Variants in RARB observed in about 807,000 individuals in gnomAD.
RARB encodes HBV-activated protein.
RARB carries 17 observed loss-of-function variants against 51.9 expected under a neutral mutation model. The ratio of observed to expected loss-of-function variants is 0.33; its 90% CI spans 0.22 to 0.49. RARB has a LOEUF of 0.49. Among genes scored for constraint, RARB ranks in the 20% least tolerant of loss-of-function variants. The pLI is 0.99. For missense variants in RARB, 369 were observed against 550.8 expected, an observed-to-expected ratio of 0.67 and a Z score of 3.30; for synonymous variants, 215 against 195.4, an observed-to-expected ratio of 1.10 and a Z score of -0.84.
chr3:25,452,358 G>A lies in RARB; in HGVS notation c.158-8835G>A, dbSNP rs868061812. Among the ~76,000 whole-genome samples the A allele has an allele frequency of 5.9e-5, 9 of 152,288 alleles. No homozygotes were observed. The South Asian group carries it at 1.9e-3, about 32-fold the overall frequency. ...TGAAAATATGACAGCACTTCCCGTG[G>A]TAAAAGCCAGTCCCAGGAATAACTT... On this transcript the variant is annotated intron_variant, in intron 1 of 7. Transcript: ENST00000330688.
chr3:25,063,505 C>A (rs986604132), intron 3 of RARB, among the ~76,000 whole-genome samples: 1 of 151,500 alleles, frequency 6.6e-6, no homozygotes, highest in African/African-American at 2.4e-5. Flanking sequence ...CATAATTTGT[C>A]GATTTTTAAA....
At chr3:24,893,333 GAATAA>G (rs1378603584) in intron 2 of RARB, among the ~76,000 whole-genome samples, 1 of 152,120 alleles carries the variant, frequency 6.6e-6, no homozygotes, top group African/African-American at 2.4e-5. Context: ...CAAAATTGAG[GAATAA>G]AATAAACATT....
chr3:24,946,855 A>C (rs1695786560), intron 2 of RARB, among the ~76,000 whole-genome samples: 1 of 152,198 alleles, frequency 6.6e-6, no homozygotes, highest in Non-Finnish European at 1.5e-5. Flanking sequence ...ACAGGGTGAG[A>C]CACTGTCAAT....
chr3:25,223,452 G>A (rs1701990665), intron 5 of RARB, among the ~76,000 whole-genome samples: 1 of 152,134 alleles, frequency 6.6e-6, no homozygotes, highest in Non-Finnish European at 1.5e-5. Flanking sequence ...TTGTATTCTT[G>A]CTTGAATAGA....
chr3:24,970,680 T>C (rs1696378136), intron 2 of RARB, among the ~76,000 whole-genome samples: 1 of 151,832 alleles, frequency 6.6e-6, no homozygotes. Flanking sequence ...ACCTAGAGGA[T>C]AGTCCTTTTA....
intron 5 of RARB, among the ~76,000 whole-genome samples, chr3:25,325,409 A>G (rs904079995): frequency 6.6e-6 from 1 of 151,884 alleles, no homozygotes; most frequent in Non-Finnish European, 1.5e-5. Context: ...CTGAGCTCCT[A>G]TCTCATCCTG....
chr3:25,285,313 A>C (rs975219956), intron 5 of RARB, among the ~76,000 whole-genome samples: 2 of 152,170 alleles, frequency 1.3e-5, no homozygotes, highest in Non-Finnish European at 2.9e-5. Flanking sequence ...CTTTCCAGTC[A>C]AAAGTAGTGT....
intron 2 of RARB, among the ~76,000 whole-genome samples, chr3:24,928,448 T>C (rs1448240486): frequency 6.6e-6 from 1 of 152,080 alleles, no homozygotes; most frequent in Non-Finnish European, 1.5e-5. Flanking sequence ...AAATGAACTC[T>C]ACCTCCTGAA....
intron 3 of RARB, among the ~76,000 whole-genome samples, chr3:25,076,096 A>G (rs968491092): frequency 2.0e-5 from 3 of 152,144 alleles, no homozygotes; most frequent in African/African-American, 7.2e-5. Flanking sequence ...TGTCAGTTAG[A>G]TTAAGCCCTT....
chr3:25,237,363 T>C (rs1211813979), intron 5 of RARB, among the ~76,000 whole-genome samples: 1 of 152,140 alleles, frequency 6.6e-6, no homozygotes, highest in Non-Finnish European at 1.5e-5. Flanking sequence ...TCTGCTTTTT[T>C]TCCTATCTGA....
chr3:25,114,778 C>T (rs1699658800), intron 3 of RARB, among the ~76,000 whole-genome samples: 1 of 152,210 alleles, frequency 6.6e-6, no homozygotes, highest in African/African-American at 2.4e-5. Flanking sequence ...AAAGCTCTAA[C>T]ATGCCAAATG....
chr3:25,486,445 G>A (rs1413376097), intron 2 of RARB, among the ~76,000 whole-genome samples: 1 of 152,186 alleles, frequency 6.6e-6, no homozygotes, highest in Non-Finnish European at 1.5e-5. Flanking sequence ...CCACCCTACA[G>A]CCCTGGCAGA....
intron 1 of RARB, among the ~76,000 whole-genome samples, chr3:25,452,663 GC>G (rs1709244280): frequency 1.2e-5 from 1 of 83,870 alleles, no homozygotes; most frequent in African/African-American, 8.3e-5. Flanking sequence ...AATTTAAAAA[GC>G]GGGGGGGGTT....
intron 3 of RARB, among the ~76,000 whole-genome samples, chr3:25,081,612 TA>T (rs1699001715): frequency 0.012 from 170 of 14,112 alleles, no homozygotes; most frequent in African/African-American, 0.018. Context: ...TATATATATA[TA>T]TATATATATT....
chr3:24,890,305 C>G (rs1026551199), intron 2 of RARB, among the ~76,000 whole-genome samples: 1 of 152,124 alleles, frequency 6.6e-6, no homozygotes, highest in African/African-American at 2.4e-5. Context: ...TTGTAGAGTC[C>G]CTGGCCATGG....
intron 1 of RARB, among the ~76,000 whole-genome samples, chr3:25,438,213 T>C (rs1415751103): frequency 6.6e-6 from 1 of 152,024 alleles, no homozygotes; most frequent in African/African-American, 2.4e-5. Flanking sequence ...GTTTCGAGAG[T>C]GAACCTTCCA....
intron 5 of RARB, among the ~76,000 whole-genome samples, chr3:25,398,772 A>G (rs1004387435): frequency 3.4e-4 from 52 of 152,234 alleles, no homozygotes; most frequent in African/African-American, 1.2e-3. Flanking sequence ...ATAAAATTGT[A>G]TTAAACAAAT....
At chr3:25,148,640 G>C (rs1016500074) in intron 4 of RARB, among the ~76,000 whole-genome samples, 2 of 152,244 alleles carry the variant, frequency 1.3e-5, no homozygotes, top group African/African-American at 4.8e-5. Context: ...ATTATTAAAG[G>C]TTCCTTACCT....
chr3:25,195,091 A>G (rs772415547), intron 5 of RARB, among the ~76,000 whole-genome samples: 1 of 152,054 alleles, frequency 6.6e-6, no homozygotes, highest in Non-Finnish European at 1.5e-5. Context: ...CAGTAATTAG[A>G]AGGCAAAAGA....
Sources: allele counts gnomAD v4.1 joint callset (sites outside exome capture counted in the v4.1 genomes callset), GRCh38; gene constraint gnomAD v4.1.1; transcripts MANE v1.5; gene names NCBI Gene and HGNC (gene_info 2026-07-23, HGNC 2026-07-21).